PCDHGB6: variants seen among roughly 807,000 people sequenced by gnomAD.
The protein encoded by PCDHGB6 is protocadherin gamma-B6.
In PCDHGB6, 51 loss-of-function variants were observed where a neutral mutation model predicts 59.1. The ratio of observed to expected loss-of-function variants is 0.86; its 90% CI spans 0.69 to 1.09. The LOEUF (loss-of-function observed/expected upper bound fraction) is 1.09. Ranked by LOEUF, PCDHGB6 falls within the 50% of genes least tolerant of loss-of-function variation. PCDHGB6 has a pLI of 0.00. For missense variants in PCDHGB6, 1,148 were observed against 1,205.1 expected (o/e 0.95, Z 0.70); for synonymous variants, 466 against 495.1 (o/e 0.94, Z 0.78).
rs1224943883 is a variant in PCDHGB6 at position 141,493,516 on chromosome 5, G to A, written c.2419-1291G>A. Among the ~76,000 whole-genome samples, 1 of 152,122 alleles carries A rather than the reference G, an allele frequency of 6.6e-6. No individual in the cohort carries two copies. The highest frequency in any genetic ancestry group is 1.5e-5 in the Non-Finnish European group (1 of 68,036). On this transcript the variant is annotated intron_variant, in intron 1 of 3. Coordinates refer to ENST00000520790, the MANE Select transcript of PCDHGB6 (RefSeq NM_018926.3). The surrounding 1 kb of genome is among the most constrained non-coding windows in gnomAD (Gnocchi z 4.3). ...GGCTCCTCATTTCTGAGCAGTCCCC[G>A]CAGCGCAAACTTGGCCAGTTATCCT...
At chr5:141,474,117 A>C (rs748431734) in intron 1 of PCDHGB6, among the ~76,000 whole-genome samples, 11 of 152,186 alleles carry the variant, frequency 7.2e-5, no homozygotes, top group Non-Finnish European at 1.2e-4. Context: ...ACAACAACGA[A>C]AATCTCAGAA....
intron 1 of PCDHGB6, among the ~76,000 whole-genome samples, chr5:141,463,990 G>A (rs2099073582): frequency 6.6e-6 from 1 of 151,990 alleles, no homozygotes; most frequent in Non-Finnish European, 1.5e-5. Flanking sequence ...TAAAAACCAG[G>A]TGCAGTGGCT....
intron 3 of PCDHGB6, among the ~76,000 whole-genome samples, chr5:141,508,984 C>G (rs1039260828): frequency 4.7e-4 from 72 of 152,154 alleles, no homozygotes; most frequent in African/African-American, 1.7e-3. Context: ...GGGTGGGGGC[C>G]AGCTGGGGTA....
chr5:141,443,555 C>T (rs1284929219), intron 1 of PCDHGB6, among the ~76,000 whole-genome samples: 1 of 152,130 alleles, frequency 6.6e-6, no homozygotes, highest in East Asian at 1.9e-4. Flanking sequence ...TGTTCCAATT[C>T]AAATGCTTTA....
intron 1 of PCDHGB6, among the ~76,000 whole-genome samples, chr5:141,444,150 GGAT>G (rs2098419400): frequency 8.8e-6 from 1 of 114,014 alleles, no homozygotes; most frequent in African/African-American, 3.4e-5. Context: ...TGTGTGTACT[GGAT>G]TTTTTTTTTT....
At chr5:141,415,683 G>C in intron 1 of PCDHGB6, 1 of 1,517,194 alleles carries the variant, frequency 6.6e-7, no homozygotes, top group African/African-American at 1.4e-5. Flanking sequence ...TTTGCGGCAT[G>C]ATGGTGGAAA....
intron 1 of PCDHGB6, chr5:141,414,845 T>C: frequency 1.2e-6 from 2 of 1,614,218 alleles, no homozygotes; most frequent in South Asian, 1.1e-5. Flanking sequence ...CTGTTTGTGC[T>C]GGACCAGAAC....
At chr5:141,497,143 GA>G (rs928640875) in intron 2 of PCDHGB6, among the ~76,000 whole-genome samples, 7 of 149,992 alleles carry the variant, frequency 4.7e-5, no homozygotes, top group African/African-American at 9.8e-5. Context: ...CTGAGATCAC[GA>G]AAAAAAAATA....
At position 141,409,034 on chromosome 5, in the gene PCDHGB6, A is replaced by C; in HGVS notation, c.832A>C (p.Asn278His). ...GGATGAGGGGGTCAATGCTGAGATA[A>C]ACTACTACTTCCGAAGCACTGCCCA... ...DQDEGVNAEI[N>H]YYFRSTAQST... is the part of the protein sequence containing the mutation. The change falls in exon 1 of 4, where the codon AAC (asparagine) becomes CAC (histidine). Residue 278 changes from asparagine (N) to histidine (H), a missense_variant. Asn to His is a moderately conservative substitution (Grantham distance 68). Coordinates refer to ENST00000520790, the MANE Select transcript of PCDHGB6 (RefSeq NM_018926.3). 6.2e-7 allele frequency: 1 copy of C among 1,613,992 alleles called. No homozygotes were observed. The highest frequency in any genetic ancestry group is 8.5e-7 in the Non-Finnish European group (1 of 1,179,906).
chr5:141,463,176 C>CA (rs2099054640), intron 1 of PCDHGB6, among the ~76,000 whole-genome samples: 1 of 152,100 alleles, frequency 6.6e-6, no homozygotes, highest in African/African-American at 2.4e-5. Flanking sequence ...TATGTATGCT[C>CA]AGATTATTAT....
intron 1 of PCDHGB6, among the ~76,000 whole-genome samples, chr5:141,424,884 T>C (rs953145254): frequency 2.0e-5 from 3 of 152,186 alleles, no homozygotes; most frequent in Non-Finnish European, 4.4e-5. Flanking sequence ...AGGAGACTTA[T>C]CTAGGGTTTT....
At chr5:141,422,168 G>T in intron 1 of PCDHGB6, 2 of 1,563,582 alleles carry the variant, frequency 1.3e-6, no homozygotes, top group Non-Finnish European at 1.7e-6. Context: ...GAAAAATATA[G>T]ATTCTATGAG....
chr5:141,413,286 C>G, intron 1 of PCDHGB6: 1 of 1,613,968 alleles, frequency 6.2e-7, no homozygotes, highest in Non-Finnish European at 8.5e-7. Flanking sequence ...AGATCTCCTA[C>G]TCAATTCCTG....
Position 141,408,838 on chromosome 5 carries a change from G to A in PCDHGB6, c.636G>A (p.Leu212=). Residue 212 remains leucine (L), a synonymous_variant, in exon 1 of 4, where the codon TTG becomes TTA. Transcript: ENST00000520790. The part of the protein sequence containing the change: ...REEQRSHSLI[L]TALDGGDPPR... ...AACAGAGATCTCATAGCTTGATATTGACTGCCTTGGACGGAGGGGACCCAC... is the reference window on the plus strand; with the variant it reads ...AACAGAGATCTCATAGCTTGATATTAACTGCCTTGGACGGAGGGGACCCAC... 1 of 1,613,588 alleles carries A rather than the reference G, an allele frequency of 6.2e-7. No individual in the cohort carries two copies. The highest frequency in any genetic ancestry group is 1.3e-5 in the African/African-American group (1 of 75,032).
At position 141,477,055 on chromosome 5, in the gene PCDHGB6, G is replaced by A. The variant is rs531755338; in HGVS notation, c.2419-17752G>A. Reference sequence around the variant, plus strand: ...CAATCAAGGGTCGGCTGGACTTCGAGGACACCAAACTCCATGAGATTTACA... The same window carrying A: ...CAATCAAGGGTCGGCTGGACTTCGAAGACACCAAACTCCATGAGATTTACA... On this transcript the variant is annotated intron_variant, in intron 1 of 3. Transcript: ENST00000520790. This position sits in a 1 kb window ranked among gnomAD's most constrained non-coding sequence, Gnocchi z 4.9. The A allele has an allele frequency of 4.5e-5, 72 of 1,614,242 alleles. 1 individual carries two copies. In the South Asian group the frequency reaches 7.8e-4, roughly 17 times the overall value.
In PCDHGB6 at chr5:141,477,857, C is replaced by A. The variant is rs548674958; in HGVS notation, c.2419-16950C>A. On this transcript the variant is annotated intron_variant, in intron 1 of 3. Transcript: ENST00000520790. The surrounding 1 kb of genome is among the most constrained non-coding windows in gnomAD (Gnocchi z 4.9). ...AGGTGGGAGCTCGGTGGAGATGCTG[C>A]CTCGAGGTACCTCAGCTGGCCACCT... 2.9e-5 allele frequency: 47 copies of A among 1,613,454 alleles called. No individual in the cohort carries two copies. In the South Asian group the frequency reaches 4.9e-4, roughly 17 times the overall value.
intron 1 of PCDHGB6, among the ~76,000 whole-genome samples, chr5:141,438,581 TACATAC>T (rs2097977343): frequency 4.0e-5 from 2 of 49,846 alleles, no homozygotes; most frequent in Non-Finnish European, 6.5e-5. Flanking sequence ...TATACATACA[TACATAC>T]ATACATATAT....
In PCDHGB6 at chr5:141,490,770, C is replaced by T. The variant is rs774014462; in HGVS notation, c.2419-4037C>T. 1.2e-6 allele frequency: 2 copies of T among 1,614,120 alleles called. No individual in the cohort carries two copies. Among genetic ancestry groups the T allele is most frequent in the Non-Finnish European group, 8.5e-7 (1 of 1,179,968 alleles). ...CAGCCTCCTCCTTTGTGTATGTCAA[C>T]CCAGAGGATGGACGGATCTTTGCCC... On this transcript the variant is annotated intron_variant, in intron 1 of 3. Transcript: ENST00000520790. The surrounding 1 kb of genome is among the most constrained non-coding windows in gnomAD (Gnocchi z 5.4).
chr5:141,431,505 C>T lies in PCDHGB6; in HGVS notation c.2418+20885C>T. 1.2e-6 allele frequency: 2 copies of T among 1,614,018 alleles called. No individual in the cohort carries two copies. The highest frequency in any genetic ancestry group is 1.7e-6 in the Non-Finnish European group (2 of 1,180,028). On this transcript the variant is annotated intron_variant, in intron 1 of 3. Coordinates refer to ENST00000520790, the MANE Select transcript of PCDHGB6 (RefSeq NM_018926.3). This position sits in a 1 kb window ranked among gnomAD's most constrained non-coding sequence, Gnocchi z 4.8. ...GCGTTTGCTCAGCCCGAGTACCGCG[C>T]GAGCGTTCCGGAGAATCTGGCCTTG...
Sources: gnomAD v4.1 joint callset for allele counts (sites outside exome capture counted in the v4.1 genomes callset) on GRCh38, gnomAD v4.1.1 for gene constraint, Gnocchi (gnomAD v3.1) non-coding constraint, MANE v1.5 for transcripts, NCBI Gene and HGNC (gene_info 2026-07-23, HGNC 2026-07-21) for gene names.